The following ARID2 variants were observed in gnomAD, a reference collection of about 807,000 sequenced individuals.
The protein encoded by ARID2 is AT-rich interaction domain 2.
A neutral mutation model predicts 184.6 loss-of-function variants in ARID2; 32 were observed. The observed-to-expected ratio is 0.17, with a 90% CI of 0.13 to 0.23. The LOEUF (loss-of-function observed/expected upper bound fraction) is 0.23. Ranked by LOEUF, ARID2 falls within the 10% of genes least tolerant of loss-of-function variation. The pLI, the probability that ARID2 is intolerant of heterozygous loss-of-function variation, is 1.00. For missense variants in ARID2, 1,696 were observed against 2,197.6 expected (o/e 0.77, Z 4.56); for synonymous variants, 836 against 772.6 (o/e 1.08, Z -1.36).
intron 3 of ARID2, among the ~76,000 whole-genome samples, chr12:45,804,923 A>C (rs1942573456): frequency 6.6e-6 from 1 of 152,084 alleles, no homozygotes; most frequent in Non-Finnish European, 1.5e-5. Flanking sequence ...ATCTTCATAT[A>C]AGTGGAATTA....
chr12:45,769,813 A>G (rs1198975154), intron 3 of ARID2, among the ~76,000 whole-genome samples: 1 of 152,202 alleles, frequency 6.6e-6, no homozygotes, highest in Non-Finnish European at 1.5e-5. Context: ...CATCACTTAC[A>G]AGTGAACCCC....
In ARID2 at chr12:45,893,437, G is replaced by T; in HGVS notation, c.5165G>T (p.Gly1722Val). ...CAATTTAGGCAGCCAACTGTAGGGG[G>T]CACAAGCTCAACTCCTAGAGCACAA... ...KSSTKQPTVG[G>V]TSSTPRAQKA... is the part of the protein sequence containing the mutation. The change falls in exon 19 of 21, where the codon GGC becomes GTC. Residue 1722 changes from glycine to valine, a missense_variant. Around this residue, in one of 11 missense-constraint regions of ARID2, gnomAD observed 58 missense variants for 47.1 expected, o/e 1.23. Transcript: ENST00000334344. The T allele has an allele frequency of 3.1e-6, 5 of 1,613,306 alleles. No individual in the cohort carries two copies. The highest frequency in any genetic ancestry group is 4.2e-6 in the Non-Finnish European group (5 of 1,179,598).
At chr12:45,820,414 T>C (rs989439193) in intron 5 of ARID2, among the ~76,000 whole-genome samples, 1 of 152,182 alleles carries the variant, frequency 6.6e-6, no homozygotes, top group Non-Finnish European at 1.5e-5. Context: ...TAAAAGGTAA[T>C]AAGACTGCCA....
chr12:45,762,204 A>G (rs1941696557), intron 3 of ARID2, among the ~76,000 whole-genome samples: 1 of 152,116 alleles, frequency 6.6e-6, no homozygotes, highest in Admixed American at 6.5e-5. Flanking sequence ...CTTCTTAAAT[A>G]TCTCTTTAAT....
intron 3 of ARID2, among the ~76,000 whole-genome samples, chr12:45,794,783 G>A (rs1259143639): frequency 2.0e-5 from 3 of 152,174 alleles, no homozygotes; most frequent in Admixed American, 1.3e-4. Context: ...TCTGAGGTCA[G>A]AAAACAAAGT....
chr12:45,857,756 CCTCT>C (rs150224221), intron 15 of ARID2, among the ~76,000 whole-genome samples: 31 of 150,390 alleles, frequency 2.1e-4, no homozygotes, highest in Admixed American at 4.6e-4. Flanking sequence ...TCTCTCTCTC[CCTCT>C]CTCTCTCTCT....
chr12:45,892,232 G>A, intron 18 of ARID2, 136 bp downstream of exon 18: 3 of 803,222 alleles, frequency 3.7e-6, no homozygotes, highest in Non-Finnish European at 5.8e-6. Flanking sequence ...AACCAGCAAT[G>A]TGACCCTGTT....
chr12:45,883,559 A>G (rs1240896485), intron 16 of ARID2, among the ~76,000 whole-genome samples: 1 of 147,094 alleles, frequency 6.8e-6, no homozygotes, highest in African/African-American at 2.5e-5. Flanking sequence ...TGCTTTCAGA[A>G]TTTATTTGCC....
At chr12:45,847,055 T>G (rs1943456768) in intron 12 of ARID2, 118 bp downstream of exon 12, 1 of 775,200 alleles carries the variant, frequency 1.3e-6, no homozygotes, top group South Asian at 2.1e-5. Flanking sequence ...TTAGTTAGAG[T>G]AGAATATCAT....
At chr12:45,811,389 A>ATGTT in intron 3 of ARID2, 29 bp from the exon 4 acceptor site, 1 of 1,589,452 alleles carries the variant, frequency 6.3e-7, no homozygotes, top group Non-Finnish European at 8.6e-7. Flanking sequence ...CTATTTTTAA[A>ATGTT]TGTTTGCTGT....
chr12:45,875,745 A>G (rs542719878), intron 16 of ARID2, among the ~76,000 whole-genome samples: 59 of 152,330 alleles, frequency 3.9e-4, no homozygotes, highest in African/African-American at 1.1e-3. Flanking sequence ...AACCTCATGA[A>G]GCAACCTCTG....
chr12:45,881,688 T>C, intron 16 of ARID2: 1 of 176,452 alleles, frequency 5.7e-6, no homozygotes, highest in South Asian at 1.5e-4. Context: ...TCCCTGGGCT[T>C]CCCCTGCTTC....
chr12:45,895,233 C>T (rs1159703543), intron 20 of ARID2, among the ~76,000 whole-genome samples: 1 of 152,168 alleles, frequency 6.6e-6, no homozygotes, highest in Non-Finnish European at 1.5e-5. Flanking sequence ...ACACTTAGCA[C>T]AGTGCCCAAC....
intron 12 of ARID2, among the ~76,000 whole-genome samples, chr12:45,847,633 T>A (rs1943467390): frequency 6.6e-6 from 1 of 152,060 alleles, no homozygotes. Flanking sequence ...CAATGATATA[T>A]CACTTTAAAA....
At chr12:45,789,822 A>C (rs1390143326) in intron 3 of ARID2, among the ~76,000 whole-genome samples, 4 of 152,128 alleles carry the variant, frequency 2.6e-5, no homozygotes, top group Non-Finnish European at 5.9e-5. Context: ...ATATTTTTTA[A>C]AGCTATTTTG....
Position 45,852,755 on chromosome 12 carries a change from C to G in ARID2, c.4632C>G (p.Pro1544=), listed in dbSNP as rs1013277290. ...VGVRIVTISD[P]NNAGCSATMV... is the part of the protein sequence containing the mutation. ...TTAGAATTGTTACAATCAGTGACCCCAACAATGCTGGCTGCAGCGCAACAA... is the reference window on the plus strand; with the variant it reads ...TTAGAATTGTTACAATCAGTGACCCGAACAATGCTGGCTGCAGCGCAACAA... Residue 1544 remains proline, a synonymous_variant, in exon 15 of 21, where the codon CCC becomes CCG. Transcript: ENST00000334344. 1.9e-6 allele frequency: 3 copies of G among 1,614,114 alleles called. No individual in the cohort carries two copies. Among genetic ancestry groups the G allele is most frequent in the Non-Finnish European group, 2.5e-6 (3 of 1,180,002 alleles).
At chr12:45,807,797 C>T (rs1754302895) in intron 3 of ARID2, among the ~76,000 whole-genome samples, 1 of 152,062 alleles carries the variant, frequency 6.6e-6, no homozygotes, top group Admixed American at 6.5e-5. Context: ...GTGTCCAATA[C>T]CATCTTGGTG....
At chr12:45,866,690 T>C (rs529163157) in intron 16 of ARID2, among the ~76,000 whole-genome samples, 1 of 152,220 alleles carries the variant, frequency 6.6e-6, no homozygotes, top group Non-Finnish European at 1.5e-5. Flanking sequence ...TTTAACTTTT[T>C]AAATAGACTA....
At chr12:45,799,722 C>T (rs1037085656) in intron 3 of ARID2, among the ~76,000 whole-genome samples, 2 of 151,844 alleles carry the variant, frequency 1.3e-5, no homozygotes, top group African/African-American at 4.8e-5. Flanking sequence ...CCAAGGTAAT[C>T]AATATAACAA....
Sources: allele counts gnomAD v4.1 joint callset (sites outside exome capture counted in the v4.1 genomes callset), GRCh38; gene constraint gnomAD v4.1.1; regional missense constraint gnomAD v4.1.1; transcripts MANE v1.5; gene names NCBI Gene and HGNC (gene_info 2026-07-23, HGNC 2026-07-21).